MTMR8: variants seen among roughly 807,000 people sequenced by gnomAD.
MTMR8 encodes myotubularin related protein 8.
Under a neutral mutation model 39.3 loss-of-function variants are expected in MTMR8, and 65 were observed. The ratio of observed to expected loss-of-function variants is 1.65; its 90% CI spans 1.35 to 2.03. The LOEUF (loss-of-function observed/expected upper bound fraction) is 2.03. Ranked by LOEUF, MTMR8 falls within the 30% of genes most tolerant of loss-of-function variation. MTMR8 has a pLI of 0.00. For synonymous variants in MTMR8, 245 were observed against 185.2 expected (o/e 1.32, Z -2.62); for missense variants, 777 against 538.9 (o/e 1.44, Z -4.37).
intron 12 of MTMR8, 59 bp from the exon 13 acceptor site, chrX:64,271,132 C>T (rs1449490215): frequency 9.3e-7 from 1 of 1,073,359 alleles, no homozygotes. Context: ...AATTGATTAC[C>T]AATGTTTTCC....
chrX:64,281,364 T>C (rs1271555228), intron 12 of MTMR8, among the ~76,000 whole-genome samples: 1 of 111,148 alleles, frequency 9.0e-6, no homozygotes, highest in Non-Finnish European at 1.9e-5. Flanking sequence ...TATAGACAAA[T>C]GAAACAGAAT....
At chrX:64,372,172 C>CA (rs749924587) in intron 1 of MTMR8, among the ~76,000 whole-genome samples, 13,368 of 94,709 alleles carry the variant, frequency 0.14, 2,153 homozygotes, top group African/African-American at 0.45. Flanking sequence ...TAGGAAATTG[C>CA]AAAAAAAAAA....
chrX:64,339,340 G>A (rs779861527), intron 8 of MTMR8, among the ~76,000 whole-genome samples: 3 of 111,534 alleles, frequency 2.7e-5, no homozygotes, highest in Non-Finnish European at 5.7e-5. Flanking sequence ...CTACAAAAAG[G>A]GTTCAAAGTG....
intron 12 of MTMR8, among the ~76,000 whole-genome samples, chrX:64,292,124 T>G (rs905081049): frequency 1.8e-5 from 2 of 112,052 alleles, no homozygotes; most frequent in Admixed American, 9.5e-5. Context: ...CCTTGGACAC[T>G]GCTATGGCAG....
chrX:64,301,257 T>C (rs1297045544), intron 12 of MTMR8, among the ~76,000 whole-genome samples: 1 of 107,576 alleles, frequency 9.3e-6, no homozygotes, highest in Non-Finnish European at 1.9e-5. Flanking sequence ...CCCATATTTC[T>C]TGGAGGCTTT....
rs1923100745 is a variant in MTMR8 at position 64,337,235 on chromosome X, C to A, written c.1101+33G>T. The stretch of plus-strand genomic sequence containing the variant: ...TTATTTTGTCGCAATCTGTCTCTTA[C>A]ACAAAGTAAAATATAGTAGCGTGCT... On this transcript the variant is annotated intron_variant, in intron 9 of 13. Coordinates refer to ENST00000374852, the MANE Select transcript of MTMR8 (RefSeq NM_017677.4). The A allele has an allele frequency of 3.4e-6, 4 of 1,178,566 alleles. No homozygotes were observed. The Admixed American group carries it at 1.0e-4, about 29-fold the overall frequency.
chrX:64,289,154 T>C (rs1921309851), intron 12 of MTMR8, among the ~76,000 whole-genome samples: 1 of 110,537 alleles, frequency 9.0e-6, no homozygotes, highest in African/African-American at 3.3e-5. Context: ...AAGACACACA[T>C]TAAAAAGATG....
intron 12 of MTMR8, among the ~76,000 whole-genome samples, chrX:64,295,716 C>A (rs1392536440): frequency 9.0e-6 from 1 of 111,132 alleles, no homozygotes; most frequent in South Asian, 3.8e-4. Context: ...ATGCTCAATG[C>A]CACTAGTCAT....
chrX:64,308,855 G>T (rs1403456388), intron 12 of MTMR8, among the ~76,000 whole-genome samples: 23 of 111,505 alleles, frequency 2.1e-4, no homozygotes. Flanking sequence ...TGGTTAAAAA[G>T]ACTTTCCTTT....
intron 12 of MTMR8, among the ~76,000 whole-genome samples, chrX:64,302,555 C>G (rs754684850): frequency 8.9e-6 from 1 of 112,175 alleles, no homozygotes; most frequent in Admixed American, 9.4e-5. Context: ...AGCTGTAGAC[C>G]GGAGCTGTTC....
At chrX:64,343,146 C>G (rs1351411945) in intron 8 of MTMR8, among the ~76,000 whole-genome samples, 2 of 111,770 alleles carry the variant, frequency 1.8e-5, no homozygotes, top group Non-Finnish European at 3.8e-5. Flanking sequence ...GCATTTATTT[C>G]ACACCCACCC....
At chrX:64,275,294 T>C (rs1931846913) in intron 12 of MTMR8, among the ~76,000 whole-genome samples, 1 of 111,074 alleles carries the variant, frequency 9.0e-6, no homozygotes, top group Non-Finnish European at 1.9e-5. Flanking sequence ...AACCTAACTT[T>C]ATATCTCAGG....
intron 12 of MTMR8, among the ~76,000 whole-genome samples, chrX:64,271,614 C>T (rs958666945): frequency 1.8e-5 from 2 of 112,317 alleles, no homozygotes; most frequent in Admixed American, 1.9e-4. Context: ...CAGCACAGTG[C>T]CATAGGATCA....
intron 1 of MTMR8, among the ~76,000 whole-genome samples, chrX:64,394,055 GA>G: frequency 8.9e-6 from 1 of 112,035 alleles, no homozygotes; most frequent in East Asian, 2.8e-4. Context: ...CATGGCTGGG[GA>G]GACCTCACAA....
chrX:64,301,952 C>A (rs369828304), intron 12 of MTMR8, among the ~76,000 whole-genome samples: 8 of 111,947 alleles, frequency 7.1e-5, no homozygotes, highest in Middle Eastern at 4.7e-3. Flanking sequence ...TGCTGGGAGA[C>A]CCACTGCTCT....
intron 1 of MTMR8, among the ~76,000 whole-genome samples, chrX:64,372,526 T>A (rs1253647305): frequency 3.6e-5 from 4 of 112,034 alleles, no homozygotes; most frequent in African/African-American, 1.3e-4. Flanking sequence ...AATCTGTTCT[T>A]CATCTCTACA....
In MTMR8 at chrX:64,294,990, C is replaced by T. The variant is rs1164611582; in HGVS notation, c.1482-23917G>A. On this transcript the variant is annotated intron_variant, in intron 12 of 13. Transcript: ENST00000374852. ...TTGGAACTCAGAAGGGTGAAGTATT[C>T]TCAGTCTGGTAAGACAAGCTCCTAG... is the stretch of plus-strand genomic sequence containing the variant. Among the ~76,000 whole-genome samples the T allele has an allele frequency of 2.7e-5, 3 of 111,103 alleles. No individual in the cohort carries two copies. The East Asian group carries it at 8.5e-4, about 31-fold the overall frequency.
chrX:64,316,714 G>A (rs753432350), intron 12 of MTMR8, among the ~76,000 whole-genome samples: 2 of 111,377 alleles, frequency 1.8e-5, no homozygotes, highest in Admixed American at 9.6e-5. Flanking sequence ...ACTTAAAAAT[G>A]TGCAACTTCC....
At chrX:64,341,165 T>C (rs1923204204) in intron 8 of MTMR8, among the ~76,000 whole-genome samples, 1 of 112,014 alleles carries the variant, frequency 8.9e-6, no homozygotes, top group South Asian at 3.7e-4. Context: ...TTAAATAGTA[T>C]AAGTATAAAA....
Sources: allele counts gnomAD v4.1 joint callset (sites outside exome capture counted in the v4.1 genomes callset), GRCh38; gene constraint gnomAD v4.1.1; transcripts MANE v1.5; gene names NCBI Gene and HGNC (gene_info 2026-07-23, HGNC 2026-07-21).